DCDC2C: variants seen among roughly 807,000 people sequenced by gnomAD.
DCDC2C encodes doublecortin domain-containing protein 2C.
A neutral mutation model predicts 45.0 loss-of-function variants in DCDC2C; 44 were observed. That is an observed-to-expected ratio of 0.98 (90% confidence interval 0.77 to 1.26). DCDC2C has a LOEUF of 1.26. Ranked by LOEUF, DCDC2C falls within the 50% of genes most tolerant of loss-of-function variation. The pLI, the probability that DCDC2C is intolerant of heterozygous loss-of-function variation, is 0.00. For synonymous variants in DCDC2C, 187 were observed against 178.8 expected (o/e 1.05, Z -0.37); for missense variants, 447 against 468.9 (o/e 0.95, Z 0.43).
intron 10 of DCDC2C, among the ~76,000 whole-genome samples, chr2:3,792,687 C>T (rs1239838540): frequency 6.6e-6 from 1 of 152,014 alleles, no homozygotes; most frequent in African/African-American, 2.4e-5. Context: ...ATGAGAAATC[C>T]TTATTGGCTG....
At chr2:3,707,748 G>A (rs1668105203) in intron 1 of DCDC2C, among the ~76,000 whole-genome samples, 1 of 152,200 alleles carries the variant, frequency 6.6e-6, no homozygotes, top group Admixed American at 6.5e-5. Context: ...CCCTTGGCGA[G>A]TGCCATCATT....
At chr2:3,803,426 AC>A in intron 10 of DCDC2C, among the ~76,000 whole-genome samples, 1 of 152,044 alleles carries the variant, frequency 6.6e-6, no homozygotes, top group East Asian at 1.9e-4. Context: ...TCTCCTCCTC[AC>A]TGCTTCACTT....
chr2:3,828,788 G>A (rs559312489), intron 10 of DCDC2C, among the ~76,000 whole-genome samples: 1 of 152,140 alleles, frequency 6.6e-6, no homozygotes, highest in African/African-American at 2.4e-5. Context: ...CCTTGTTTCC[G>A]AAACATTGCA....
chr2:3,837,464 T>C (rs7562936), intron 10 of DCDC2C, among the ~76,000 whole-genome samples: 97,779 of 151,832 alleles, frequency 0.64, 32,052 homozygotes, highest in Middle Eastern at 0.72. Context: ...GGAACTAGGC[T>C]GTAGGGGAGC....
At chr2:3,725,917 C>T (rs566194196) in intron 2 of DCDC2C, 8 of 163,122 alleles carry the variant, frequency 4.9e-5, no homozygotes, top group East Asian at 1.9e-4. Flanking sequence ...TGGGTGGATC[C>T]GGGAGGGAGA....
intron 9 of DCDC2C, among the ~76,000 whole-genome samples, 171 bp from the exon 10 acceptor site, chr2:3,784,888 G>A (rs1670609783): frequency 6.6e-6 from 1 of 152,228 alleles, no homozygotes; most frequent in African/African-American, 2.4e-5. Flanking sequence ...ACAGAGCAGT[G>A]AGTCAGTAGT....
chr2:3,708,499 T>C (rs1317387639), intron 1 of DCDC2C, 50 bp from the exon 2 acceptor site: 52 of 1,419,500 alleles, frequency 3.7e-5, no homozygotes, highest in Non-Finnish European at 4.7e-5. Flanking sequence ...TGGAACTTTC[T>C]ATGTAAATAT....
chr2:3,793,663 T>C (rs1192376207), intron 10 of DCDC2C, among the ~76,000 whole-genome samples: 2 of 152,264 alleles, frequency 1.3e-5, no homozygotes, highest in Admixed American at 6.5e-5. Context: ...TCTGTTACAA[T>C]AGAAATGTTT....
At chr2:3,780,269 C>A (rs58492099) in intron 9 of DCDC2C, among the ~76,000 whole-genome samples, 19,145 of 152,064 alleles carry the variant, frequency 0.13, 1,353 homozygotes, top group East Asian at 0.28. Flanking sequence ...AGAGGGTGCT[C>A]TTATGTGAAT....
At chr2:3,762,964 G>A (rs1346901056) in intron 6 of DCDC2C, among the ~76,000 whole-genome samples, 1 of 152,086 alleles carries the variant, frequency 6.6e-6, no homozygotes, top group Non-Finnish European at 1.5e-5. Context: ...CTGGGCCTGG[G>A]TGAAGGGCTG....
At chr2:3,740,175 C>T (rs1402438565) in intron 3 of DCDC2C, among the ~76,000 whole-genome samples, 2 of 152,228 alleles carry the variant, frequency 1.3e-5, no homozygotes, top group African/African-American at 4.8e-5. Context: ...CAATTTTTAA[C>T]AGCTGTATAA....
rs1302552198 is a variant in DCDC2C, at chr2:3,752,884, C to G, written c.667C>G (p.Pro223Ala). ...YFPYWKSPRV[P>A]SEVQQRYANV... Reference sequence around the variant, plus strand: ...TCCTTACTGGAAGTCTCCAAGGGTGCCCAGTGAGGTCCAACAGTGAGCATG... The same window carrying G: ...TCCTTACTGGAAGTCTCCAAGGGTGGCCAGTGAGGTCCAACAGTGAGCATG... Residue 223 changes from proline (P) to alanine (A), a missense_variant, in exon 5 of 11, where the codon CCC becomes GCC. Pro to Ala is a conservative substitution (Grantham distance 27). Transcript: ENST00000399143. 1 of 1,550,390 alleles carries G rather than the reference C, an allele frequency of 6.4e-7. No individual in the cohort carries two copies. Among genetic ancestry groups the G allele is most frequent in the Non-Finnish European group, 8.7e-7 (1 of 1,146,904 alleles).
At chr2:3,708,205 G>A (rs535140945) in intron 1 of DCDC2C, among the ~76,000 whole-genome samples, 1 of 152,316 alleles carries the variant, frequency 6.6e-6, no homozygotes, top group Non-Finnish European at 1.5e-5. Flanking sequence ...GAACATTGAT[G>A]AGCTCGCAGT....
intron 4 of DCDC2C, among the ~76,000 whole-genome samples, chr2:3,745,140 C>A (rs1424922251): frequency 6.6e-6 from 1 of 152,204 alleles, no homozygotes; most frequent in Non-Finnish European, 1.5e-5. Context: ...CGCCCGCCAC[C>A]ATGCCTGGCT....
At chr2:3,759,465 T>A (rs933214606) in intron 6 of DCDC2C, among the ~76,000 whole-genome samples, 2 of 152,170 alleles carry the variant, frequency 1.3e-5, no homozygotes, top group African/African-American at 4.8e-5. Flanking sequence ...ATTCATGGAA[T>A]CTTGATTCAA....
chr2:3,758,622 G>A (rs1572593092), intron 6 of DCDC2C, among the ~76,000 whole-genome samples: 1 of 152,308 alleles, frequency 6.6e-6, no homozygotes, highest in East Asian at 1.9e-4. Context: ...CAGCGTCAGT[G>A]ATCTGCGTGG....
intron 8 of DCDC2C, among the ~76,000 whole-genome samples, chr2:3,773,867 G>T (rs1670253588): frequency 6.6e-6 from 1 of 152,244 alleles, no homozygotes; most frequent in Non-Finnish European, 1.5e-5. Context: ...GAGAAGCATG[G>T]TTTGACTGAA....
chr2:3,725,524 A>G (rs1050487669), intron 2 of DCDC2C, among the ~76,000 whole-genome samples: 3 of 78,724 alleles, frequency 3.8e-5, no homozygotes, highest in African/African-American at 4.4e-5. Context: ...TGGATCCCAG[A>G]GGAAGACGAG....
chr2:3,764,093 C>T lies in DCDC2C; in HGVS notation c.727-3661C>T, dbSNP rs151101005. 8.5e-5 allele frequency among the ~76,000 whole-genome samples: 13 copies of T among 152,362 alleles called. No homozygotes were observed. In the East Asian group the frequency reaches 2.5e-3, roughly 29 times the overall value. ...ATGTAACCAGAGGAGGCATCGACTTCATCATTTCTCATCGCTTACCTCTAT... is the reference window on the plus strand; with the variant it reads ...ATGTAACCAGAGGAGGCATCGACTTTATCATTTCTCATCGCTTACCTCTAT... On this transcript the variant is annotated intron_variant, in intron 6 of 10. Coordinates refer to ENST00000399143, the MANE Select transcript of DCDC2C (RefSeq NM_001287444.2).
Sources: gnomAD v4.1 joint callset for allele counts (sites outside exome capture counted in the v4.1 genomes callset) on GRCh38, gnomAD v4.1.1 for gene constraint, MANE v1.5 for transcripts, NCBI Gene and HGNC (gene_info 2026-07-23, HGNC 2026-07-21) for gene names.